TBC1D22A: variants seen among roughly 807,000 people sequenced by gnomAD.
The protein encoded by TBC1D22A is TBC1 domain family member 22A, also known as putative GTPase activator.
In TBC1D22A, 38 loss-of-function variants were observed where a neutral mutation model predicts 60.2. The observed-to-expected ratio is 0.63, with a 90% CI of 0.49 to 0.83. TBC1D22A has a LOEUF of 0.83. TBC1D22A is among the 40% of genes least tolerant of loss of function. TBC1D22A has a pLI of 0.00. For missense variants in TBC1D22A, 628 were observed against 701.0 expected, an observed-to-expected ratio of 0.90 and a Z score of 1.18; for synonymous variants, 302 against 281.7, an observed-to-expected ratio of 1.07 and a Z score of -0.72.
chr22:47,067,136 C>T (rs552704887), intron 11 of TBC1D22A, among the ~76,000 whole-genome samples: 21 of 152,214 alleles, frequency 1.4e-4, no homozygotes, highest in Non-Finnish European at 2.8e-4. Flanking sequence ...TGTGGTGGCA[C>T]GTGCCTATAA....
chr22:47,031,712 C>T (rs1031545049), intron 10 of TBC1D22A, among the ~76,000 whole-genome samples: 1 of 152,164 alleles, frequency 6.6e-6, no homozygotes, highest in African/African-American at 2.4e-5. Context: ...GGACAGGTCC[C>T]CTCACCTGCC....
intron 8 of TBC1D22A, among the ~76,000 whole-genome samples, chr22:46,943,092 C>T (rs2072276295): frequency 6.6e-6 from 1 of 152,080 alleles, no homozygotes; most frequent in African/African-American, 2.4e-5. Context: ...CCGCAGGTGT[C>T]AGTGCAAAAG....
chr22:47,174,427 A>G lies in TBC1D22A; in HGVS notation c.*801A>G. 6.6e-6 allele frequency: 1 copy of G among 152,410 alleles called. No individual in the cohort carries two copies. The highest frequency in any genetic ancestry group is 1.5e-5 in the Non-Finnish European group (1 of 68,076). 9.4% of individuals were successfully genotyped at this position (152,410 alleles called of 1,614,324 possible). A position where few individuals can be genotyped will look rare whatever the true frequency, so the allele number is the denominator to read the frequency against. ...AGCCAGAGCCCCTGGAGGCCCACCC[A>G]GGCTGTCGGGCCATGTTGGGCTGGC... On this transcript the variant is annotated 3_prime_UTR_variant, in exon 13 of 13. Coordinates refer to ENST00000337137, the MANE Select transcript of TBC1D22A (RefSeq NM_014346.5).
intron 10 of TBC1D22A, among the ~76,000 whole-genome samples, chr22:47,015,604 T>G (rs2061884960): frequency 6.6e-6 from 1 of 152,224 alleles, no homozygotes. Context: ...ACACATATAA[T>G]TGTTCTGGTT....
chr22:47,043,434 A>G (rs1257275183), intron 11 of TBC1D22A, among the ~76,000 whole-genome samples: 1 of 152,170 alleles, frequency 6.6e-6, no homozygotes, highest in Non-Finnish European at 1.5e-5. Flanking sequence ...GGTGAGAGAC[A>G]TAGCATGGTC....
At chr22:47,003,970 C>G (rs1052856693) in intron 10 of TBC1D22A, among the ~76,000 whole-genome samples, 4 of 148,274 alleles carry the variant, frequency 2.7e-5, no homozygotes, top group African/African-American at 1.0e-4. Context: ...TGCCTGTATA[C>G]ACACCCTACG....
intron 10 of TBC1D22A, among the ~76,000 whole-genome samples, chr22:47,015,707 G>C (rs993653575): frequency 4.6e-5 from 7 of 152,366 alleles, no homozygotes; most frequent in African/African-American, 1.7e-4. Flanking sequence ...CAGACCTGCA[G>C]GATGAGAGAT....
At chr22:46,766,249 G>A (rs758941663) in intron 1 of TBC1D22A, among the ~76,000 whole-genome samples, 2 of 151,776 alleles carry the variant, frequency 1.3e-5, no homozygotes, top group Non-Finnish European at 1.5e-5. Flanking sequence ...CTCCTGCCTC[G>A]GTCTCCCAAC....
intron 4 of TBC1D22A, among the ~76,000 whole-genome samples, chr22:46,839,416 A>G (rs980333449): frequency 2.0e-5 from 3 of 152,076 alleles, no homozygotes; most frequent in African/African-American, 4.8e-5. Flanking sequence ...CTTACACTGA[A>G]TACTTTAACA....
intron 11 of TBC1D22A, among the ~76,000 whole-genome samples, chr22:47,075,681 G>A (rs1258717952): frequency 6.6e-6 from 1 of 152,128 alleles, no homozygotes; most frequent in Non-Finnish European, 1.5e-5. Flanking sequence ...TCATGAATAA[G>A]ATATTTTAAA....
At chr22:46,819,400 A>G (rs2085734394) in intron 4 of TBC1D22A, among the ~76,000 whole-genome samples, 1 of 152,218 alleles carries the variant, frequency 6.6e-6, no homozygotes, top group Admixed American at 6.5e-5. Flanking sequence ...ATTTTGAGAT[A>G]TGTTCCATCA....
intron 4 of TBC1D22A, among the ~76,000 whole-genome samples, chr22:46,875,218 A>G (rs2067494979): frequency 6.6e-6 from 1 of 152,220 alleles, no homozygotes; most frequent in Non-Finnish European, 1.5e-5. Context: ...TACTGCTTGT[A>G]AAGAATGAAC....
chr22:47,012,312 C>T (rs567691085), intron 10 of TBC1D22A, among the ~76,000 whole-genome samples: 2 of 152,298 alleles, frequency 1.3e-5, no homozygotes, highest in South Asian at 4.1e-4. Context: ...GGTCCTGGGG[C>T]TCACATCCCC....
rs1238812884 is a variant in TBC1D22A at position 47,099,872 on chromosome 22, GTC to G, written c.1330-11634_1330-11633del. Among the ~76,000 whole-genome samples, 4 of 152,236 alleles carry G rather than the reference GTC, an allele frequency of 2.6e-5. No individual in the cohort carries two copies. The East Asian group carries it at 5.8e-4, about 22-fold the overall frequency. On this transcript the variant is annotated intron_variant, in intron 11 of 12. Transcript: ENST00000337137. Reference sequence around the variant, plus strand: ...CACTCCAGCTCTCCACTGTTTTCTCGTCTATAGAGAGAGGTGCAACGTGCTGA... The same window carrying G: ...CACTCCAGCTCTCCACTGTTTTCTCGTATAGAGAGAGGTGCAACGTGCTGA...
chr22:46,958,189 G>A (rs2073310486), intron 8 of TBC1D22A, among the ~76,000 whole-genome samples: 1 of 152,168 alleles, frequency 6.6e-6, no homozygotes, highest in African/African-American at 2.4e-5. Flanking sequence ...ATGGCACCCT[G>A]CTCTGGCGGT....
chr22:47,012,184 C>T (rs1410511813), intron 10 of TBC1D22A, among the ~76,000 whole-genome samples: 1 of 152,122 alleles, frequency 6.6e-6, no homozygotes, highest in Non-Finnish European at 1.5e-5. Flanking sequence ...TTATTTTCCA[C>T]CACCCCAAAG....
chr22:46,783,510 C>CT (rs1215230932), intron 1 of TBC1D22A, among the ~76,000 whole-genome samples: 1 of 152,242 alleles, frequency 6.6e-6, no homozygotes, highest in Non-Finnish European at 1.5e-5. Flanking sequence ...GTTGATGCCG[C>CT]TGTGGGGTCT....
intron 7 of TBC1D22A, among the ~76,000 whole-genome samples, chr22:46,907,202 TCTC>T (rs1208732299): frequency 2.0e-5 from 3 of 152,186 alleles, no homozygotes; most frequent in South Asian, 4.1e-4. Flanking sequence ...AGAAGGCTCC[TCTC>T]CTCCTCCCTC....
At chr22:47,051,423 G>T (rs1031404840) in intron 11 of TBC1D22A, among the ~76,000 whole-genome samples, 1 of 152,150 alleles carries the variant, frequency 6.6e-6, no homozygotes. Flanking sequence ...GTCTAGTTCC[G>T]GAATTACGGT....
Sources: gnomAD v4.1 joint callset for allele counts (sites outside exome capture counted in the v4.1 genomes callset) on GRCh38, gnomAD v4.1.1 for gene constraint, MANE v1.5 for transcripts, NCBI Gene and HGNC (gene_info 2026-07-23, HGNC 2026-07-21) for gene names.